Variants in MYO10 observed in about 807,000 individuals in gnomAD.
MYO10 encodes unconventional myosin-X.
A neutral mutation model predicts 257.3 loss-of-function variants in MYO10; 133 were observed. The observed-to-expected ratio is 0.52, with a 90% CI of 0.45 to 0.60. The LOEUF (loss-of-function observed/expected upper bound fraction) is 0.60, where lower values mean the gene tolerates loss of function less well. Among genes scored for constraint, MYO10 ranks in the 20% least tolerant of loss-of-function variants. MYO10 has a pLI of 0.00. For missense variants in MYO10, 2,399 were observed against 2,635.7 expected (o/e 0.91, Z 1.97); for synonymous variants, 1,104 against 1,028.6 (o/e 1.07, Z -1.40).
intron 19 of MYO10, among the ~76,000 whole-genome samples, chr5:16,747,751 C>G (rs944682574): frequency 4.0e-5 from 6 of 151,846 alleles, no homozygotes; most frequent in Non-Finnish European, 4.4e-5. Flanking sequence ...ACCCCCGTCT[C>G]TACTAAAAAT....
chr5:16,877,741 T>C, intron 1 of MYO10, 34 bp from the exon 2 acceptor site: 1 of 1,559,890 alleles, frequency 6.4e-7, no homozygotes, highest in Non-Finnish European at 8.8e-7. Context: ...GAACTGAGTT[T>C]GGATTGCATT....
chr5:16,751,387 A>G (rs1330086617), intron 19 of MYO10, among the ~76,000 whole-genome samples: 1 of 152,222 alleles, frequency 6.6e-6, no homozygotes, highest in African/African-American at 2.4e-5. Flanking sequence ...CTATCTTGCC[A>G]TAATCAAATT....
chr5:16,920,165 T>C (rs1480444174), intron 1 of MYO10, among the ~76,000 whole-genome samples: 2 of 151,832 alleles, frequency 1.3e-5, no homozygotes, highest in Non-Finnish European at 1.5e-5. Context: ...ACCCAGCTGC[T>C]TGGGAGTCTG....
At chr5:16,786,240 G>A (rs1274063118) in intron 4 of MYO10, among the ~76,000 whole-genome samples, 1 of 152,120 alleles carries the variant, frequency 6.6e-6, no homozygotes, top group African/African-American at 2.4e-5. Flanking sequence ...CAATTATGGA[G>A]AAGATACGAT....
At chr5:16,918,218 C>T (rs1745878878) in intron 1 of MYO10, among the ~76,000 whole-genome samples, 1 of 152,130 alleles carries the variant, frequency 6.6e-6, no homozygotes, top group African/African-American at 2.4e-5. Flanking sequence ...TGTGAAGAGT[C>T]CAAAAGCCCA....
chr5:16,863,112 A>C (rs1235868754), intron 2 of MYO10, among the ~76,000 whole-genome samples: 1 of 152,248 alleles, frequency 6.6e-6, no homozygotes. Flanking sequence ...AGATCCACTA[A>C]GAAGAAAATC....
chr5:16,679,240 C>T (rs1453911740), intron 33 of MYO10, among the ~76,000 whole-genome samples: 1 of 152,096 alleles, frequency 6.6e-6, no homozygotes, highest in Non-Finnish European at 1.5e-5. Flanking sequence ...TGGAACTAGC[C>T]GGTTACTCCT....
rs922371312 is a variant in MYO10 at position 16,685,661 on chromosome 5, C to T, written c.3990+77G>A. ...ACTGTCTGGAAATTCCCAATCTTTC[C>T]CTTTTTTACCATCCTGACGCCCTCC... On this transcript the variant is annotated intron_variant, in intron 29 of 40. Coordinates refer to ENST00000513610, the MANE Select transcript of MYO10 (RefSeq NM_012334.3). 1.8e-5 allele frequency: 20 copies of T among 1,122,702 alleles called. No individual in the cohort carries two copies. The Admixed American group carries it at 3.2e-4, about 18-fold the overall frequency. The allele number at this position is 1,122,702 out of a possible 1,614,324, so 69.5% of individuals were successfully genotyped here.
chr5:16,929,555 C>A (rs934379124), intron 1 of MYO10, among the ~76,000 whole-genome samples: 4 of 152,166 alleles, frequency 2.6e-5, no homozygotes, highest in African/African-American at 7.2e-5. Context: ...GAGTCAGTTA[C>A]TTAACCTCTC....
chr5:16,837,990 A>C (rs1743364439), intron 2 of MYO10, among the ~76,000 whole-genome samples: 1 of 152,152 alleles, frequency 6.6e-6, no homozygotes, highest in Admixed American at 6.6e-5. Flanking sequence ...CCACACCCAT[A>C]CAAGACAGTG....
At chr5:16,884,901 G>C (rs1293256986) in intron 1 of MYO10, among the ~76,000 whole-genome samples, 1 of 152,112 alleles carries the variant, frequency 6.6e-6, no homozygotes, top group Non-Finnish European at 1.5e-5. Context: ...GTGTTCTAGA[G>C]CCATGGCCAA....
intron 4 of MYO10, among the ~76,000 whole-genome samples, chr5:16,788,657 G>T (rs1741663556): frequency 6.6e-6 from 1 of 152,042 alleles, no homozygotes; most frequent in African/African-American, 2.4e-5. Context: ...GTATAAACTT[G>T]GAGAGTCCTG....
At chr5:16,848,365 G>T (rs1303196336) in intron 2 of MYO10, among the ~76,000 whole-genome samples, 2 of 151,820 alleles carry the variant, frequency 1.3e-5, no homozygotes, top group Admixed American at 6.6e-5. Flanking sequence ...TCACCATGTT[G>T]GCCAGGCTGA....
chr5:16,678,828 T>C (rs1279787351), intron 33 of MYO10, among the ~76,000 whole-genome samples: 1 of 152,188 alleles, frequency 6.6e-6, no homozygotes, highest in African/African-American at 2.4e-5. Context: ...ACCTTCTCTG[T>C]CACAGCCCCA....
intron 1 of MYO10, among the ~76,000 whole-genome samples, chr5:16,920,362 C>T (rs551808544): frequency 1.3e-5 from 2 of 152,300 alleles, no homozygotes; most frequent in South Asian, 2.1e-4. Flanking sequence ...AAAACCGGCA[C>T]GTGTACCAAC....
intron 2 of MYO10, among the ~76,000 whole-genome samples, chr5:16,834,493 A>T (rs139686680): frequency 6.6e-6 from 1 of 152,056 alleles, no homozygotes. Context: ...TCTCACAAAA[A>T]CTTCTGGGTT....
At chr5:16,910,950 C>G (rs1007272921) in intron 1 of MYO10, among the ~76,000 whole-genome samples, 1 of 148,792 alleles carries the variant, frequency 6.7e-6, no homozygotes, top group African/African-American at 2.5e-5. Flanking sequence ...CCTCACAGCT[C>G]TTAAATAAAA....
intron 1 of MYO10, among the ~76,000 whole-genome samples, chr5:16,912,808 A>G (rs1454412271): frequency 2.2e-5 from 3 of 139,036 alleles, no homozygotes; most frequent in African/African-American, 5.3e-5. Flanking sequence ...CCCTGCACAC[A>G]CACACACACA....
intron 39 of MYO10, 25 bp downstream of exon 39, chr5:16,670,501 C>T (rs902315078): frequency 1.3e-6 from 2 of 1,573,286 alleles, no homozygotes; most frequent in Non-Finnish European, 1.7e-6. Flanking sequence ...CCAGCCCACC[C>T]CAACACACGG....
Sources: allele counts gnomAD v4.1 joint callset (sites outside exome capture counted in the v4.1 genomes callset), GRCh38; gene constraint gnomAD v4.1.1; transcripts MANE v1.5; gene names NCBI Gene and HGNC (gene_info 2026-07-23, HGNC 2026-07-21).